Variants in APBA2 observed in about 807,000 individuals in gnomAD.
APBA2 encodes the protein amyloid beta precursor protein binding family A member 2.
A neutral mutation model predicts 75.0 loss-of-function variants in APBA2; 30 were observed. The ratio of observed to expected loss-of-function variants is 0.40; its 90% confidence interval spans 0.30 to 0.54. The LOEUF (loss-of-function observed/expected upper bound fraction) is 0.54, where lower values mean the gene tolerates loss of function less well. Ranked by LOEUF, APBA2 falls within the 20% of genes least tolerant of loss-of-function variation. The pLI, the probability that APBA2 is intolerant of heterozygous loss-of-function variation, is 0.49. For missense variants in APBA2, 801 were observed against 1,016.1 expected, an observed-to-expected ratio of 0.79 and a Z score of 2.88; for synonymous variants, 444 against 409.6, an observed-to-expected ratio of 1.08 and a Z score of -1.01.
chr15:28,978,429 G>T (rs1254464642), intron 2 of APBA2, among the ~76,000 whole-genome samples: 1 of 152,190 alleles, frequency 6.6e-6, no homozygotes, highest in Non-Finnish European at 1.5e-5. Context: ...GGTGAGGCTT[G>T]CCCCAGGCCG....
intron 8 of APBA2, among the ~76,000 whole-genome samples, chr15:29,097,709 G>A (rs1207939134): frequency 6.6e-6 from 1 of 152,120 alleles, no homozygotes; most frequent in Non-Finnish European, 1.5e-5. Context: ...TTAAGAATAT[G>A]AAATATTATT....
In APBA2 at chr15:29,053,837, C is replaced by T. The variant is rs1471417115; in HGVS notation, c.-40-8C>T. On this transcript the variant is annotated splice_region_variant and splice_polypyrimidine_tract_variant and intron_variant, in intron 3 of 14. Coordinates refer to ENST00000683413, the MANE Select transcript of APBA2 (RefSeq NM_001353788.2). ...TGACTCTGTCCTTCCCAATGTTCCT[C>T]CCCACAGTGGCTGCCTCCGGGTGAT... 6.5e-7 allele frequency: 1 copy of T among 1,545,226 alleles called. No individual in the cohort carries two copies. Among genetic ancestry groups the T allele is most frequent in the Admixed American group, 1.8e-5 (1 of 55,060 alleles).
At chr15:29,087,513 G>T in intron 6 of APBA2, among the ~76,000 whole-genome samples, 1 of 152,162 alleles carries the variant, frequency 6.6e-6, no homozygotes, top group African/African-American at 2.4e-5. Context: ...GCAGGCCCAG[G>T]TGTGGCCACT....
chr15:28,998,313 G>A (rs1321854974), intron 3 of APBA2, among the ~76,000 whole-genome samples: 2 of 150,714 alleles, frequency 1.3e-5, no homozygotes, highest in Non-Finnish European at 2.9e-5. Context: ...TAAAATCAGC[G>A]ATTATCCTGA....
chr15:28,896,290 T>C (rs1487647250), intron 1 of APBA2, among the ~76,000 whole-genome samples: 1 of 152,156 alleles, frequency 6.6e-6, no homozygotes, highest in Non-Finnish European at 1.5e-5. Flanking sequence ...TCTCTTCTCT[T>C]CTCTTTTGAG....
chr15:29,086,320 C>G (rs1330804910), intron 6 of APBA2, among the ~76,000 whole-genome samples: 3 of 152,158 alleles, frequency 2.0e-5, no homozygotes, highest in African/African-American at 7.2e-5. Flanking sequence ...CCAAAGTCAC[C>G]CAGCTAAGCC....
At chr15:28,902,835 C>T (rs1265526177) in intron 1 of APBA2, among the ~76,000 whole-genome samples, 1 of 152,136 alleles carries the variant, frequency 6.6e-6, no homozygotes, top group Non-Finnish European at 1.5e-5. Flanking sequence ...TGTCTCAGGA[C>T]CCTCACCTTT....
chr15:29,078,119 AC>A (rs1326327355), intron 6 of APBA2, among the ~76,000 whole-genome samples: 1 of 151,422 alleles, frequency 6.6e-6, no homozygotes, highest in Non-Finnish European at 1.5e-5. Flanking sequence ...ACATGGTGAA[AC>A]CCCGTCTGTA....
chr15:29,076,567 T>C (rs908796658), intron 6 of APBA2, among the ~76,000 whole-genome samples: 1 of 151,956 alleles, frequency 6.6e-6, no homozygotes, highest in Admixed American at 6.6e-5. Context: ...TCTGTGTCAC[T>C]CTTGGGGATG....
intron 1 of APBA2, among the ~76,000 whole-genome samples, chr15:28,887,925 C>T (rs970860741): frequency 1.3e-5 from 2 of 152,058 alleles, no homozygotes; most frequent in Non-Finnish European, 2.9e-5. Flanking sequence ...TACTGCCGGT[C>T]TCCTGGGCTC....
intron 1 of APBA2, among the ~76,000 whole-genome samples, chr15:28,899,565 A>G (rs1390972252): frequency 6.6e-6 from 1 of 152,196 alleles, no homozygotes; most frequent in Non-Finnish European, 1.5e-5. Flanking sequence ...CCGTATGCTC[A>G]GGGCGTCGTG....
intron 3 of APBA2, among the ~76,000 whole-genome samples, chr15:28,996,386 C>T (rs1314751245): frequency 1.3e-5 from 2 of 152,102 alleles, no homozygotes; most frequent in African/African-American, 4.8e-5. Flanking sequence ...ATCCTCCCTC[C>T]CTGTGCATGG....
chr15:28,985,856 A>G (rs2037895887), intron 2 of APBA2, among the ~76,000 whole-genome samples: 1 of 152,082 alleles, frequency 6.6e-6, no homozygotes, highest in Non-Finnish European at 1.5e-5. Context: ...AAAGAAGGAC[A>G]GATGTGTTGG....
intron 3 of APBA2, among the ~76,000 whole-genome samples, chr15:29,033,791 C>G (rs1193609263): frequency 2.6e-4 from 39 of 151,838 alleles, no homozygotes; most frequent in Non-Finnish European, 1.8e-4. Context: ...GAAACCCCGT[C>G]TCTACTAAAA....
chr15:28,994,766 C>G (rs376081033), intron 2 of APBA2, among the ~76,000 whole-genome samples: 1 of 152,136 alleles, frequency 6.6e-6, no homozygotes, highest in Non-Finnish European at 1.5e-5. Flanking sequence ...GTGATGAAGT[C>G]GAAGCCACTG....
chr15:28,915,462 CATA>C (rs1166346079), intron 1 of APBA2, among the ~76,000 whole-genome samples: 2 of 149,484 alleles, frequency 1.3e-5, no homozygotes, highest in Non-Finnish European at 3.0e-5. Context: ...ACACACACCA[CATA>C]ATACCATACA....
chr15:28,888,200 T>C (rs2031883917), intron 1 of APBA2, among the ~76,000 whole-genome samples: 1 of 152,166 alleles, frequency 6.6e-6, no homozygotes, highest in African/African-American at 2.4e-5. Context: ...GATTGTGAAA[T>C]GGAGGTGCAT....
intron 3 of APBA2, among the ~76,000 whole-genome samples, chr15:28,999,898 A>C: frequency 6.6e-6 from 1 of 152,204 alleles, no homozygotes; most frequent in East Asian, 1.9e-4. Context: ...TGGAAAGCAG[A>C]GAACTGGTGC....
chr15:29,062,450 C>T (rs1156831708), intron 4 of APBA2, among the ~76,000 whole-genome samples: 5 of 152,236 alleles, frequency 3.3e-5, no homozygotes, highest in Admixed American at 1.3e-4. Flanking sequence ...TGGCTGGCTC[C>T]GCATGAGCTT....
Sources: gnomAD v4.1 joint callset for allele counts (sites outside exome capture counted in the v4.1 genomes callset) on GRCh38, gnomAD v4.1.1 for gene constraint, MANE v1.5 for transcripts, NCBI Gene and HGNC (gene_info 2026-07-23, HGNC 2026-07-21) for gene names.